Variants in SLC26A11 observed in about 807,000 individuals in gnomAD.
SLC26A11 encodes solute carrier family 26 member 11.
A neutral mutation model predicts 62.2 loss-of-function variants in SLC26A11; 58 were observed. The observed-to-expected ratio is 0.93, with a 90% confidence interval of 0.76 to 1.16. The LOEUF (loss-of-function observed/expected upper bound fraction) is 1.16, where lower values mean the gene tolerates loss of function less well. Ranked by LOEUF, SLC26A11 falls within the 50% of genes most tolerant of loss-of-function variation. The pLI is 0.00. For synonymous variants in SLC26A11, 411 were observed against 368.9 expected, an observed-to-expected ratio of 1.11 and a Z score of -1.31; for missense variants, 790 against 794.3, an observed-to-expected ratio of 0.99 and a Z score of 0.06.
intron 5 of SLC26A11, among the ~76,000 whole-genome samples, chr17:80,224,109 C>T (rs986901879): frequency 6.6e-6 from 1 of 152,208 alleles, no homozygotes; most frequent in African/African-American, 2.4e-5. Context: ...AGGCCCTGTT[C>T]CAGGCTGGCC....
chr17:80,241,856 T>G, intron 10 of SLC26A11, 35 bp downstream of exon 10: 1 of 1,613,340 alleles, frequency 6.2e-7, no homozygotes, highest in Non-Finnish European at 8.5e-7. Flanking sequence ...AGACACCAGC[T>G]GTGGGCCTCC....
intron 9 of SLC26A11, among the ~76,000 whole-genome samples, chr17:80,240,358 C>T (rs926937538): frequency 1.3e-5 from 2 of 151,686 alleles, no homozygotes; most frequent in African/African-American, 4.8e-5. Flanking sequence ...CAGAGCAAGA[C>T]TCCGTCTCAA....
intron 8 of SLC26A11, 151 bp from the exon 9 acceptor site, chr17:80,237,371 G>A: frequency 1.3e-6 from 1 of 796,408 alleles, no homozygotes; most frequent in Non-Finnish European, 2.0e-6. Flanking sequence ...CCAGCACCTG[G>A]CGCCTCTTCA....
At chr17:80,239,224 TGC>T (rs1396106631) in intron 9 of SLC26A11, among the ~76,000 whole-genome samples, 1 of 147,812 alleles carries the variant, frequency 6.8e-6, no homozygotes, top group Non-Finnish European at 1.5e-5. Flanking sequence ...GGATTACGGG[TGC>T]GCACCAACAT....
At chr17:80,226,046 C>T (rs2042400727) in intron 6 of SLC26A11, 130 bp downstream of exon 6, 4 of 722,182 alleles carry the variant, frequency 5.5e-6, no homozygotes, top group African/African-American at 1.8e-5. Context: ...GCCCCATCAG[C>T]AGCACCTGCA....
chr17:80,249,662 T>G (rs892624813), intron 16 of SLC26A11, among the ~76,000 whole-genome samples: 3 of 152,066 alleles, frequency 2.0e-5, no homozygotes, highest in Non-Finnish European at 4.4e-5. Context: ...TCCCAGCACT[T>G]TGGGAGGCCA....
chr17:80,223,196 TC>T lies in SLC26A11; in HGVS notation c.428-54del. ...CTTCCCCAGCTCACATCTCCCCTCA[TC>T]CTCTGGGACTGGGTGGAGCCGGGAC... On this transcript the variant is annotated intron_variant, in intron 4 of 17. Transcript: ENST00000361193. This position sits in a 1 kb window ranked among gnomAD's most constrained non-coding sequence, Gnocchi z 4.6. 6.6e-7 allele frequency: 1 copy of T among 1,518,168 alleles called. No individual in the cohort carries two copies. The highest frequency in any genetic ancestry group is 9.1e-7 in the Non-Finnish European group (1 of 1,094,958). The allele number at this position is 1,518,168 out of a possible 1,614,324, so 94.0% of individuals were successfully genotyped here. A position where few individuals can be genotyped will look rare whatever the true frequency, so the allele number is the denominator to read the frequency against.
rs1366044421 is a variant in SLC26A11, at chr17:80,238,820, G to GTTTTTTTTTTTTT, written c.985+1232_985+1233insTTTTTTTTTTTTT. 1.1e-4 allele frequency among the ~76,000 whole-genome samples: 10 copies of GTTTTTTTTTTTTT among 87,366 alleles called. 2 individuals carry two copies. The highest frequency in any genetic ancestry group is 1.4e-4 in the Non-Finnish European group (6 of 42,976). The allele number at this position is 87,366 out of a possible 152,430, so 57.3% of individuals were successfully genotyped here. A position where few individuals can be genotyped will look rare whatever the true frequency, so the allele number is the denominator to read the frequency against. ...TACCCCCTTCAAAGGAGTTTTTTTT[G>GTTTTTTTTTTTTT]TTTTTTGTTTTTTTTTTTTTTTGGA... On this transcript the variant is annotated intron_variant, in intron 9 of 17. Coordinates refer to ENST00000361193, the MANE Select transcript of SLC26A11 (RefSeq NM_001166347.2).
In SLC26A11 at chr17:80,223,467, C is replaced by T; in HGVS notation, c.513+130C>T. The T allele has an allele frequency of 1.2e-6, 1 of 859,598 alleles. No individual in the cohort carries two copies. Among genetic ancestry groups the T allele is most frequent in the Non-Finnish European group, 1.9e-6 (1 of 533,714 alleles). The allele number at this position is 859,598 out of a possible 1,614,324, so 53.2% of individuals were successfully genotyped here. A position where few individuals can be genotyped will look rare whatever the true frequency, so the allele number is the denominator to read the frequency against. ...ACGTCTTGCTGTTTCAGATTGTCTTCCATGGGTCAAGAAGCACGCGGTGCT... is the reference window on the plus strand; with the variant it reads ...ACGTCTTGCTGTTTCAGATTGTCTTTCATGGGTCAAGAAGCACGCGGTGCT... On this transcript the variant is annotated intron_variant, in intron 5 of 17. Coordinates refer to ENST00000361193, the MANE Select transcript of SLC26A11 (RefSeq NM_001166347.2). The surrounding 1 kb of genome is among the most constrained non-coding windows in gnomAD (Gnocchi z 4.6).
intron 7 of SLC26A11, among the ~76,000 whole-genome samples, chr17:80,231,856 ATATGGTC>A (rs1390485392): frequency 6.6e-6 from 1 of 152,210 alleles, no homozygotes; most frequent in Admixed American, 6.5e-5. Flanking sequence ...ATGGCCCTGA[ATATGGTC>A]TATCTTAGTG....
At chr17:80,224,132 C>T (rs2042299044) in intron 5 of SLC26A11, among the ~76,000 whole-genome samples, 2 of 152,210 alleles carry the variant, frequency 1.3e-5, no homozygotes. Context: ...AGACAGTCTT[C>T]CCTGATGGAG....
At position 80,252,969 on chromosome 17, in the gene SLC26A11, T is replaced by A; in HGVS notation, c.*253T>A. 2.6e-6 allele frequency: 1 copy of A among 385,216 alleles called. No homozygotes were observed. Among genetic ancestry groups the A allele is most frequent in the South Asian group, 2.8e-5 (1 of 35,820 alleles). The allele number at this position is 385,216 out of a possible 1,614,324, so 23.9% of individuals were successfully genotyped here. Reference sequence around the variant, plus strand: ...GGCATGACCCTCTTTGGAAGAGTGGTTTGGAGAGAGCCTTCTAGAATGACA... The same window carrying A: ...GGCATGACCCTCTTTGGAAGAGTGGATTGGAGAGAGCCTTCTAGAATGACA... On this transcript the variant is annotated 3_prime_UTR_variant, in exon 18 of 18. Transcript: ENST00000361193. This position sits in a 1 kb window ranked among gnomAD's most constrained non-coding sequence, Gnocchi z 5.2.
At position 80,246,313 on chromosome 17, in the gene SLC26A11, G is replaced by A. The variant is rs531435822; in HGVS notation, c.1153+104G>A. The A allele has an allele frequency of 3.2e-5, 47 of 1,462,056 alleles. No individual in the cohort carries two copies. The highest frequency in any genetic ancestry group is 4.0e-4 in the Middle Eastern group (2 of 5,034). The allele number at this position is 1,462,056 out of a possible 1,614,324, so 90.6% of individuals were successfully genotyped here. A position where few individuals can be genotyped will look rare whatever the true frequency, so the allele number is the denominator to read the frequency against. ...CTTTGGCTCATGGGCCGTGCGCCCC[G>A]GGACTGCACAGGGACTTGGGGGGCC... is the stretch of plus-strand genomic sequence containing the variant. On this transcript the variant is annotated intron_variant, in intron 12 of 17. Transcript: ENST00000361193. The surrounding 1 kb of genome is among the most constrained non-coding windows in gnomAD (Gnocchi z 4.4).
At chr17:80,245,324 A>G in intron 11 of SLC26A11, 68 bp downstream of exon 11, 1 of 1,537,788 alleles carries the variant, frequency 6.5e-7, no homozygotes, top group Non-Finnish European at 9.0e-7. Context: ...GCTGACAAGG[A>G]GTCTGCCTGC....
At chr17:80,237,368 C>T in intron 8 of SLC26A11, 154 bp from the exon 9 acceptor site, 1 of 788,890 alleles carries the variant, frequency 1.3e-6, no homozygotes, top group Non-Finnish European at 2.0e-6. Flanking sequence ...CTCCCAGCAC[C>T]TGGCGCCTCT....
At chr17:80,244,282 TTGTC>T (rs969969454) in intron 10 of SLC26A11, among the ~76,000 whole-genome samples, 4 of 152,154 alleles carry the variant, frequency 2.6e-5, no homozygotes, top group East Asian at 3.8e-4. Flanking sequence ...GGCGTGGGCT[TTGTC>T]TGTTGTAGGC....
At chr17:80,232,478 T>A (rs1474820137) in intron 7 of SLC26A11, among the ~76,000 whole-genome samples, 1 of 152,102 alleles carries the variant, frequency 6.6e-6, no homozygotes, top group African/African-American at 2.4e-5. Context: ...TGGTCTCAAA[T>A]TCTTGGCCTC....
At chr17:80,232,545 A>G (rs2042591269) in intron 7 of SLC26A11, among the ~76,000 whole-genome samples, 2 of 152,118 alleles carry the variant, frequency 1.3e-5, no homozygotes, top group African/African-American at 2.4e-5. Context: ...CCAGCCTCCT[A>G]TCTTTTTACT....
intron 6 of SLC26A11, among the ~76,000 whole-genome samples, chr17:80,226,885 C>T (rs766086522): frequency 2.4e-4 from 36 of 152,148 alleles, no homozygotes; most frequent in Non-Finnish European, 4.3e-4. Flanking sequence ...TGGGGGCGAT[C>T]CTGGACCATC....
Sources: allele counts gnomAD v4.1 joint callset (sites outside exome capture counted in the v4.1 genomes callset), GRCh38; gene constraint gnomAD v4.1.1; non-coding constraint Gnocchi (gnomAD v3.1); transcripts MANE v1.5; gene names NCBI Gene and HGNC (gene_info 2026-07-23, HGNC 2026-07-21).